RSU1: variants seen among roughly 807,000 people sequenced by gnomAD.
The protein encoded by RSU1 is Ras suppressor protein 1.
In RSU1, 26 loss-of-function variants were observed where a neutral mutation model predicts 31.1. That is an observed-to-expected ratio of 0.84 (90% CI 0.61 to 1.16). RSU1 has a LOEUF of 1.16. Ranked by LOEUF, RSU1 falls within the 50% of genes most tolerant of loss-of-function variation. The probability of loss-of-function intolerance (pLI) is 0.00; values close to 1 mark genes in which losing one functional copy is unlikely to be tolerated. For missense variants in RSU1, 320 were observed against 339.1 expected, an observed-to-expected ratio of 0.94 and a Z score of 0.44; for synonymous variants, 164 against 136.3, an observed-to-expected ratio of 1.20 and a Z score of -1.41.
intron 8 of RSU1, among the ~76,000 whole-genome samples, chr10:16,652,958 C>T (rs943681266): frequency 4.6e-5 from 7 of 151,944 alleles, no homozygotes; most frequent in Non-Finnish European, 1.0e-4. Flanking sequence ...AGATTACATG[C>T]GTGAGCCACA....
intron 8 of RSU1, among the ~76,000 whole-genome samples, chr10:16,624,765 T>G (rs1834127326): frequency 6.6e-6 from 1 of 152,202 alleles, no homozygotes; most frequent in Non-Finnish European, 1.5e-5. Flanking sequence ...CTTACAAATC[T>G]CTGTCCACAT....
At chr10:16,790,519 G>C (rs1482597304) in intron 2 of RSU1, among the ~76,000 whole-genome samples, 1 of 152,172 alleles carries the variant, frequency 6.6e-6, no homozygotes, top group African/African-American at 2.4e-5. Context: ...AAATGCTTTA[G>C]GGTAGAGAGT....
At chr10:16,659,132 T>G (rs1242542067) in intron 8 of RSU1, among the ~76,000 whole-genome samples, 1 of 152,204 alleles carries the variant, frequency 6.6e-6, no homozygotes, top group East Asian at 1.9e-4. Flanking sequence ...ATGTGTGTGT[T>G]GCAGACCACT....
chr10:16,602,281 A>G (rs1353083628), intron 8 of RSU1, among the ~76,000 whole-genome samples: 1 of 152,218 alleles, frequency 6.6e-6, no homozygotes, highest in Non-Finnish European at 1.5e-5. Context: ...ACCTCAAAAC[A>G]TCAGCAGAGT....
At chr10:16,655,878 T>G (rs185266726) in intron 8 of RSU1, among the ~76,000 whole-genome samples, 1 of 152,332 alleles carries the variant, frequency 6.6e-6, no homozygotes, top group Non-Finnish European at 1.5e-5. Context: ...ACATGCACTG[T>G]GACTTGCTTT....
chr10:16,641,114 C>T (rs1834435012), intron 8 of RSU1, among the ~76,000 whole-genome samples: 1 of 152,156 alleles, frequency 6.6e-6, no homozygotes, highest in South Asian at 2.1e-4. Context: ...ACACGTTTAC[C>T]TATGTAACAA....
chr10:16,713,397 AT>A (rs35552707), intron 7 of RSU1, among the ~76,000 whole-genome samples: 13 of 150,418 alleles, frequency 8.6e-5, no homozygotes, highest in South Asian at 4.2e-4. Flanking sequence ...TAAAATTCTT[AT>A]TTTTTTTTCC....
intron 3 of RSU1, among the ~76,000 whole-genome samples, chr10:16,780,797 A>G (rs1210452187): frequency 1.3e-5 from 2 of 152,170 alleles, no homozygotes; most frequent in African/African-American, 4.8e-5. Context: ...AAAACAATGG[A>G]ACCGGCAATA....
At chr10:16,751,398 G>T (rs1836977271) in intron 7 of RSU1, among the ~76,000 whole-genome samples, 1 of 152,144 alleles carries the variant, frequency 6.6e-6, no homozygotes, top group African/African-American at 2.4e-5. Context: ...GGACTTCCCA[G>T]CTGGTCCACG....
At chr10:16,630,491 T>C (rs1284398011) in intron 8 of RSU1, among the ~76,000 whole-genome samples, 1 of 152,224 alleles carries the variant, frequency 6.6e-6, no homozygotes, top group Admixed American at 6.5e-5. Flanking sequence ...GCATCAATCT[T>C]GCGTCACACA....
At chr10:16,655,342 T>G (rs959763981) in intron 8 of RSU1, among the ~76,000 whole-genome samples, 1 of 152,170 alleles carries the variant, frequency 6.6e-6, no homozygotes, top group Non-Finnish European at 1.5e-5. Context: ...GAGCACGGGC[T>G]TGGGACTTAG....
chr10:16,769,501 C>G (rs911171197), intron 3 of RSU1, among the ~76,000 whole-genome samples: 3 of 152,204 alleles, frequency 2.0e-5, no homozygotes, highest in African/African-American at 7.2e-5. Context: ...CACAGCCCTA[C>G]CCGATGGCAG....
chr10:16,650,948 T>C (rs1051140989), intron 8 of RSU1, among the ~76,000 whole-genome samples: 29 of 152,198 alleles, frequency 1.9e-4, no homozygotes, highest in Admixed American at 3.3e-4. Flanking sequence ...ATTTCATTCA[T>C]GTTTTTAATA....
In RSU1 at chr10:16,644,433, C is replaced by G. The variant is rs148219180; in HGVS notation, c.731+50590G>C. ...AGTGGCATTTCCCACGTGCCAGATA[C>G]CTGGCTGTGTGTGTTTTTCTGCACT... On this transcript the variant is annotated intron_variant, in intron 8 of 8. Transcript: ENST00000345264. Among the ~76,000 whole-genome samples the G allele has an allele frequency of 1.1e-4, 16 of 152,318 alleles. No individual in the cohort carries two copies. In the South Asian group the frequency reaches 1.5e-3, roughly 14 times the overall value.
chr10:16,763,660 A>G (rs1350298441), intron 4 of RSU1, among the ~76,000 whole-genome samples: 3 of 152,158 alleles, frequency 2.0e-5, no homozygotes, highest in Non-Finnish European at 4.4e-5. Flanking sequence ...CAGACCCAGA[A>G]CCATCTTCCC....
chr10:16,593,703 C>G lies in RSU1; in HGVS notation c.732-207G>C, dbSNP rs76472307. Among the ~76,000 whole-genome samples, 660 of 152,330 alleles carry G rather than the reference C, an allele frequency of 4.3e-3. 7 individuals carry two copies. The highest frequency in any genetic ancestry group is 0.015 in the African/African-American group (624 of 41,576). On this transcript the variant is annotated intron_variant, in intron 8 of 8. Coordinates refer to ENST00000345264, the MANE Select transcript of RSU1 (RefSeq NM_012425.4). ...TGCACGCCATGCCATGATGTCCGAT[C>G]ACGGACCAGTCTCTTGGGATTTCAC...
intron 8 of RSU1, among the ~76,000 whole-genome samples, chr10:16,654,343 T>G (rs1185074791): frequency 7.2e-6 from 1 of 139,170 alleles, no homozygotes; most frequent in African/African-American, 2.9e-5. Flanking sequence ...TTTGGTTTGT[T>G]GCCTACACCT....
intron 4 of RSU1, among the ~76,000 whole-genome samples, chr10:16,761,914 T>C (rs1368003742): frequency 3.3e-5 from 5 of 152,008 alleles, no homozygotes; most frequent in African/African-American, 9.7e-5. Flanking sequence ...TTCCTTCAAC[T>C]TGTAAGTCTG....
At chr10:16,662,903 A>T (rs560971344) in intron 8 of RSU1, among the ~76,000 whole-genome samples, 9 of 152,106 alleles carry the variant, frequency 5.9e-5, no homozygotes, top group Admixed American at 3.3e-4. Context: ...ATTAAATTTG[A>T]CTATAGTCCA....
Sources: gnomAD v4.1 joint callset for allele counts (sites outside exome capture counted in the v4.1 genomes callset) on GRCh38, gnomAD v4.1.1 for gene constraint, MANE v1.5 for transcripts, NCBI Gene and HGNC (gene_info 2026-07-23, HGNC 2026-07-21) for gene names.